Variants in PDE4A observed in about 807,000 individuals in gnomAD.
The protein encoded by PDE4A is 3',5'-cyclic-AMP phosphodiesterase 4A.
PDE4A carries 21 observed loss-of-function variants against 73.9 expected under a neutral mutation model. The observed-to-expected ratio is 0.28, with a 90% confidence interval of 0.20 to 0.41. The LOEUF (loss-of-function observed/expected upper bound fraction) is 0.41, where lower values mean the gene tolerates loss of function less well. Ranked by LOEUF, PDE4A falls within the 10% of genes least tolerant of loss-of-function variation. The probability of loss-of-function intolerance (pLI) is 1.00; values close to 1 mark genes in which losing one functional copy is unlikely to be tolerated. For missense variants in PDE4A, 958 were observed against 1,211.4 expected (o/e 0.79, Z 3.10); for synonymous variants, 463 against 505.4 (o/e 0.92, Z 1.13).
In PDE4A at chr19:10,453,654, C is replaced by T. The variant is rs1388925813; in HGVS notation, c.784-1175C>T. The stretch of plus-strand genomic sequence containing the variant: ...CCTGTCTGAGATCATCTGGCTCTGA[C>T]CATGGTGTTGTGTGTTGGGTTGTGT... On this transcript the variant is annotated intron_variant, in intron 6 of 14. Coordinates refer to ENST00000380702, the MANE Select transcript of PDE4A (RefSeq NM_001111307.2). The surrounding 1 kb of genome is among the most constrained non-coding windows in gnomAD (Gnocchi z 4.6). 2.0e-5 allele frequency among the ~76,000 whole-genome samples: 3 copies of T among 151,988 alleles called. No homozygotes were observed. The highest frequency in any genetic ancestry group is 2.0e-4 in the Admixed American group (3 of 15,246).
In PDE4A at chr19:10,468,841, G is replaced by A. The variant is rs565132258; in HGVS notation, c.*1220G>A. 6.5e-6 allele frequency: 1 copy of A among 152,940 alleles called. No homozygotes were observed. The highest frequency in any genetic ancestry group is 2.1e-4 in the South Asian group (1 of 4,820). The allele number at this position is 152,940 out of a possible 1,614,324, so 9.5% of individuals were successfully genotyped here. A position where few individuals can be genotyped will look rare whatever the true frequency, so the allele number is the denominator to read the frequency against. On this transcript the variant is annotated 3_prime_UTR_variant, in exon 15 of 15. Coordinates refer to ENST00000380702, the MANE Select transcript of PDE4A (RefSeq NM_001111307.2). ...CAGCTAGTCCCTGAGCAATACGGCA[G>A]ACAGATGCAAGACCATTTTTCTCCA...
chr19:10,425,891 G>A (rs894979563), intron 1 of PDE4A, among the ~76,000 whole-genome samples: 1 of 150,252 alleles, frequency 6.7e-6, no homozygotes, highest in African/African-American at 2.5e-5. Context: ...TGAGGCTGAG[G>A]CAGGAGAATT....
At chr19:10,466,749 C>T in intron 14 of PDE4A, 138 bp from the exon 15 acceptor site, 2 of 1,355,728 alleles carry the variant, frequency 1.5e-6, no homozygotes, top group South Asian at 2.8e-5. Flanking sequence ...CTGCCTCAGC[C>T]TCCCAAAGTG....
At chr19:10,443,544 C>CAAA (rs58920826) in intron 1 of PDE4A, among the ~76,000 whole-genome samples, 2 of 120,970 alleles carry the variant, frequency 1.7e-5, no homozygotes, top group Non-Finnish European at 1.7e-5. Context: ...GACCCTGTCT[C>CAAA]AAAAAAAAAA....
At chr19:10,447,295 G>A (rs185124217) in intron 2 of PDE4A, among the ~76,000 whole-genome samples, 21 of 135,960 alleles carry the variant, frequency 1.5e-4, no homozygotes, top group East Asian at 1.1e-3. Flanking sequence ...GTGCAATCTC[G>A]GCTCACTGCA....
At chr19:10,421,349 G>C (rs2042649321) in intron 1 of PDE4A, 1 of 984,918 alleles carries the variant, frequency 1.0e-6, no homozygotes, top group Non-Finnish European at 1.2e-6. Context: ...TGGGGAAGGG[G>C]GCTGCACACT....
At chr19:10,442,128 A>G (rs1385112853) in intron 1 of PDE4A, among the ~76,000 whole-genome samples, 1 of 152,106 alleles carries the variant, frequency 6.6e-6, no homozygotes, top group East Asian at 1.9e-4. Flanking sequence ...GAGTGGGTGC[A>G]AGTGGAGAGG....
At chr19:10,450,280 A>G (rs939115738) in intron 4 of PDE4A, among the ~76,000 whole-genome samples, 3 of 152,116 alleles carry the variant, frequency 2.0e-5, no homozygotes, top group South Asian at 4.1e-4. Flanking sequence ...GGTGGGGGAT[A>G]GAGACATCCT....
chr19:10,450,975 G>A (rs1161274168), intron 6 of PDE4A, 34 bp downstream of exon 6: 3 of 1,550,874 alleles, frequency 1.9e-6, no homozygotes, highest in South Asian at 1.2e-5. Context: ...CCTGGGCGGG[G>A]CAGGCGGGGG....
intron 1 of PDE4A, chr19:10,431,153 G>C: frequency 9.0e-7 from 1 of 1,116,308 alleles, no homozygotes; most frequent in Non-Finnish European, 1.2e-6. Flanking sequence ...CCAGGGTCTA[G>C]GGTTCGTGGC....
At chr19:10,427,508 AG>A in intron 1 of PDE4A, 1 of 985,388 alleles carries the variant, frequency 1.0e-6, no homozygotes, top group Non-Finnish European at 1.2e-6. Flanking sequence ...ATAGACCATT[AG>A]GCCATGATCA....
At chr19:10,448,748 A>G (rs1475274271) in intron 2 of PDE4A, 169 bp from the exon 3 acceptor site, 2 of 905,976 alleles carry the variant, frequency 2.2e-6, no homozygotes, top group African/African-American at 3.6e-5. Flanking sequence ...TTCTTCCACG[A>G]TCAGCCCTGG....
rs200993031 is a variant in PDE4A, at chr19:10,467,027, G to T, written c.2067G>T (p.Pro689=). 2 of 1,614,010 alleles carry T rather than the reference G, an allele frequency of 1.2e-6. No homozygotes were observed. Among genetic ancestry groups the T allele is most frequent in the Non-Finnish European group, 1.7e-6 (2 of 1,180,036 alleles). Residue 689 remains proline, a synonymous_variant, in exon 15 of 15, where the codon CCG becomes CCT. Transcript: ENST00000380702. ...GCGCCATCCGGCAGAGCCCATCTCCGCCACCCGAGGAGGAGTCAAGGGGGC... is the reference window on the plus strand; with the variant it reads ...GCGCCATCCGGCAGAGCCCATCTCCTCCACCCGAGGAGGAGTCAAGGGGGC... ...YYSAIRQSPS[P]PPEEESRGPG... is the part of the protein sequence containing the mutation.
chr19:10,440,725 A>G (rs1299093141), intron 1 of PDE4A, among the ~76,000 whole-genome samples: 1 of 152,052 alleles, frequency 6.6e-6, no homozygotes, highest in Non-Finnish European at 1.5e-5. Flanking sequence ...TAGCCTCCCC[A>G]GTAGCTGGGA....
chr19:10,450,765 C>A, intron 5 of PDE4A, 64 bp from the exon 6 acceptor site: 1 of 1,577,094 alleles, frequency 6.3e-7, no homozygotes, highest in South Asian at 1.2e-5. Context: ...TCACGGCGGT[C>A]TGGAGCCTCT....
chr19:10,417,102 T>A (rs2042595637), upstream of PDE4A: 1 of 1,459,956 alleles, frequency 6.8e-7, no homozygotes, highest in African/African-American at 1.4e-5. Context: ...CTCCAAGCTG[T>A]GAGGAGTTTG....
chr19:10,466,735 C>A, intron 14 of PDE4A, 152 bp from the exon 15 acceptor site: 3 of 1,205,708 alleles, frequency 2.5e-6, no homozygotes, highest in Non-Finnish European at 3.4e-6. Flanking sequence ...CTCAAATGAT[C>A]CGACTGCCTC....
chr19:10,432,521 C>T (rs956967020), intron 1 of PDE4A: 1 of 1,525,358 alleles, frequency 6.6e-7, no homozygotes, highest in African/African-American at 1.4e-5. Flanking sequence ...TGACCCACTT[C>T]CCCTTCAGCG....
chr19:10,429,882 C>G (rs1808686980), intron 1 of PDE4A, among the ~76,000 whole-genome samples: 1 of 152,058 alleles, frequency 6.6e-6, no homozygotes, highest in Admixed American at 6.6e-5. Flanking sequence ...GTCTTGGGGT[C>G]TCAGCACTTG....
Sources: allele counts gnomAD v4.1 joint callset (sites outside exome capture counted in the v4.1 genomes callset), GRCh38; gene constraint gnomAD v4.1.1; non-coding constraint Gnocchi (gnomAD v3.1); transcripts MANE v1.5; gene names NCBI Gene and HGNC (gene_info 2026-07-23, HGNC 2026-07-21).